Variants in KARS1 observed in about 807,000 individuals in gnomAD.
The protein encoded by KARS1 is lysyl-tRNA synthetase 1, also known as lysine--tRNA ligase.
In KARS1, 50 loss-of-function variants were observed where a neutral mutation model predicts 63.9. The observed-to-expected ratio is 0.78, with a 90% CI of 0.62 to 0.99. The LOEUF is 0.99. Ranked by LOEUF, KARS1 falls within the 50% of genes least tolerant of loss-of-function variation. The probability of loss-of-function intolerance (pLI) is 0.00; values close to 1 mark genes in which losing one functional copy is unlikely to be tolerated. For missense variants in KARS1, 816 were observed against 754.5 expected (o/e 1.08, Z -0.95); for synonymous variants, 320 against 264.6 (o/e 1.21, Z -2.03).
At chr16:75,645,533 G>A (rs920243377) in intron 1 of KARS1, among the ~76,000 whole-genome samples, 4 of 152,200 alleles carry the variant, frequency 2.6e-5, no homozygotes, top group South Asian at 2.1e-4. Context: ...CAAAAAAGTA[G>A]TAGCTGTATT....
intron 6 of KARS1, 143 bp from the exon 7 acceptor site, chr16:75,634,435 C>T: frequency 1.3e-6 from 1 of 780,550 alleles, no homozygotes; most frequent in Non-Finnish European, 2.1e-6. Context: ...AAGTGCTTGA[C>T]AAAAAAGGAC....
chr16:75,629,481 T>G lies in KARS1; in HGVS notation c.1485A>C (p.Ile495=), dbSNP rs144274136. 2 of 1,614,200 alleles carry G rather than the reference T, an allele frequency of 1.2e-6. No homozygotes were observed. The highest frequency in any genetic ancestry group is 2.2e-5 in the South Asian group (2 of 91,086). ...CATTCAGCTCAGTATACGCATTGCATATCTCTTTCTTCATGACAAACAGCT... is the reference window on the plus strand; with the variant it reads ...CATTCAGCTCAGTATACGCATTGCAGATCTCTTTCTTCATGACAAACAGCT... ...RFELFVMKKE[I]CNAYTELNDP... is the part of the protein sequence containing the mutation. The change falls in exon 12 of 14, where the codon ATA becomes ATC. Residue 495 remains isoleucine (I), a synonymous_variant. Transcript: ENST00000302445.
rs1421244809 is a variant in KARS1 at position 75,635,934 on chromosome 16, A to C, written c.647T>G (p.Leu216Arg). The change falls in exon 5 of 14, where the codon CTT becomes CGT. Residue 216 changes from leucine (L) to arginine (R), a missense_variant. Physicochemically the swap from Leu to Arg is moderately radical, Grantham distance 102. Transcript: ENST00000302445. ...LSPCLHMLPH[L>R]HFGLKDKETR... The stretch of plus-strand genomic sequence containing the variant: ...TACCTTGTCTTTGAGGCCAAAGTGA[A>C]GATGAGGTAACATATGCAAACAGGG... 16 of 1,614,220 alleles carry C rather than the reference A, an allele frequency of 9.9e-6. No homozygotes were observed. Among genetic ancestry groups the C allele is most frequent in the Non-Finnish European group, 1.1e-5 (13 of 1,180,024 alleles).
Position 75,630,501 on chromosome 16 carries a change from C to G in KARS1, c.1346G>C (p.Gly449Ala), listed in dbSNP as rs765973399. The stretch of plus-strand genomic sequence containing the variant: ...GATGCAAGTCACTTCCAGGAACTCC[C>G]CAACAAGCTTAATGAGAAAGCAAAG... ...TTARLLDKLV[G>A]EFLEVTCINP... Residue 449 changes from glycine (G) to alanine (A), a missense_variant, in exon 11 of 14, where the codon GGG (glycine) becomes GCG (alanine). Gly to Ala is a moderately conservative substitution (Grantham distance 60). Transcript: ENST00000302445. 13 of 1,606,228 alleles carry G rather than the reference C, an allele frequency of 8.1e-6. No homozygotes were observed. The highest frequency in any genetic ancestry group is 1.0e-5 in the Non-Finnish European group (12 of 1,173,424).
At chr16:75,647,039 G>A (rs1271474730) in intron 1 of KARS1, among the ~76,000 whole-genome samples, 4 of 152,158 alleles carry the variant, frequency 2.6e-5, no homozygotes, top group Non-Finnish European at 4.4e-5. Context: ...ACTGTTAGAC[G>A]TTGATCACTT....
rs762348610 is a variant in KARS1, at chr16:75,635,958, G to A, written c.623C>T (p.Pro208Leu). The A allele has an allele frequency of 6.8e-6, 11 of 1,614,112 alleles. No individual in the cohort carries two copies. Among genetic ancestry groups the A allele is most frequent in the Non-Finnish European group, 8.5e-6 (10 of 1,180,016 alleles). ...AAGATGAGGTAACATATGCAAACAG[G>A]GAGACAGCAGTGTGATCTCATACGG... is the stretch of plus-strand genomic sequence containing the variant. ...IIPYEITLLS[P>L]CLHMLPHLHF... Residue 208 changes from proline (P) to leucine (L), a missense_variant, in exon 5 of 14, where the codon CCC becomes CTC. Transcript: ENST00000302445.
chr16:75,635,460 G>T, intron 6 of KARS1: 1 of 559,728 alleles, frequency 1.8e-6, no homozygotes, highest in Non-Finnish European at 3.2e-6. Flanking sequence ...GACATCATTA[G>T]CATGTGGATG....
intron 12 of KARS1, 59 bp downstream of exon 12, chr16:75,629,356 T>A: frequency 6.2e-7 from 1 of 1,607,590 alleles, no homozygotes; most frequent in Non-Finnish European, 8.5e-7. Flanking sequence ...CAGATCAGGG[T>A]TAAGGCTGGT....
At chr16:75,635,379 T>C (rs2082150915) in intron 6 of KARS1, 1 of 353,942 alleles carries the variant, frequency 2.8e-6, no homozygotes, top group South Asian at 2.5e-5. Flanking sequence ...TGTGTTTGCC[T>C]TTCTCATATA....
intron 3 of KARS1, among the ~76,000 whole-genome samples, chr16:75,638,713 G>A (rs185075458): frequency 6.6e-6 from 1 of 152,086 alleles, no homozygotes; most frequent in African/African-American, 2.4e-5. Flanking sequence ...GAAACAGAAA[G>A]TGAAAAGGAG....
At chr16:75,647,526 C>A (rs2151815123) in intron 1 of KARS1, 52 bp downstream of exon 1, 1 of 1,561,958 alleles carries the variant, frequency 6.4e-7, no homozygotes, top group Non-Finnish European at 8.8e-7. Flanking sequence ...CGGCGCTTCC[C>A]AGCCCAGACT....
intron 2 of KARS1, 128 bp downstream of exon 2, chr16:75,641,436 C>A: frequency 1.3e-6 from 1 of 759,090 alleles, no homozygotes. Flanking sequence ...AGTGGGAGAC[C>A]CTCCCTTATC....
Position 75,631,050 on chromosome 16 carries a change from A to G in KARS1, c.1338+118T>C, listed in dbSNP as rs948826665. On this transcript the variant is annotated intron_variant, in intron 10 of 13. Transcript: ENST00000302445. ...CTGTTAATTCTCTTGTTCTCTCTCT[A>G]GGGTTTTCCTGTGAAGCTGCAGAAA... is the stretch of plus-strand genomic sequence containing the variant. 5.2e-6 allele frequency: 4 copies of G among 767,926 alleles called. No homozygotes were observed. In the African/African-American group the frequency reaches 6.9e-5, roughly 13 times the overall value. 47.6% of individuals were successfully genotyped at this position (767,926 alleles called of 1,614,324 possible).
chr16:75,640,115 C>A, intron 3 of KARS1, 69 bp downstream of exon 3: 2 of 1,356,376 alleles, frequency 1.5e-6, no homozygotes, highest in East Asian at 2.3e-5. Flanking sequence ...CCAGACCTTC[C>A]CTTGTGCTAC....
At position 75,641,616 on chromosome 16, in the gene KARS1, T is replaced by C. The variant is rs117041419; in HGVS notation, c.170A>G (p.Asn57Ser). 1,773 of 1,613,936 alleles carry C rather than the reference T, an allele frequency of 1.1e-3. 23 individuals are homozygous for C. In the East Asian group the frequency reaches 0.034, roughly 31 times the overall value. The change falls in exon 2 of 14, where the codon AAC becomes AGC. Residue 57 changes from asparagine to serine, a missense_variant. Asn to Ser is a conservative substitution (Grantham distance 46, BLOSUM62 1). Coordinates refer to ENST00000302445, the MANE Select transcript of KARS1 (RefSeq NM_005548.3). ...QLSQATAAATNHTTDNGVGPE... is the reference protein window; with the variant it reads ...QLSQATAAATSHTTDNGVGPE... ...ACCCACACCATTATCAGTGGTGTGGTTGGTGGCAGCAGCAGTGGCTTGGCT... is the reference window on the plus strand; with the variant it reads ...ACCCACACCATTATCAGTGGTGTGGCTGGTGGCAGCAGCAGTGGCTTGGCT...
intron 3 of KARS1, among the ~76,000 whole-genome samples, chr16:75,638,480 G>A (rs1207281935): frequency 6.6e-6 from 1 of 151,796 alleles, no homozygotes; most frequent in Non-Finnish European, 1.5e-5. Flanking sequence ...GTGAGTACGT[G>A]CCGTGAAAAG....
intron 2 of KARS1, among the ~76,000 whole-genome samples, chr16:75,640,895 C>CA (rs1439791237): frequency 6.6e-6 from 1 of 152,168 alleles, no homozygotes; most frequent in Non-Finnish European, 1.5e-5. Flanking sequence ...TGTTCCAATA[C>CA]AATTTTACTA....
At chr16:75,645,740 G>C (rs2082273802) in intron 1 of KARS1, among the ~76,000 whole-genome samples, 1 of 151,632 alleles carries the variant, frequency 6.6e-6, no homozygotes, top group South Asian at 2.1e-4. Context: ...CCAGGTACTT[G>C]GGAGGCTGAA....
In KARS1 at chr16:75,628,660, G is replaced by C; in HGVS notation, c.1604C>G (p.Thr535Ser). ...GGGGGGCAGCCCATATTCCAGGGCA[G>C]TACAGAAGTTTTCATCTATGAACAT... ...EAMFIDENFC[T>S]ALEYGLPPTA... is the part of the protein sequence containing the mutation. Residue 535 changes from threonine (T) to serine (S), a missense_variant, in exon 13 of 14, where the codon ACT (threonine) becomes AGT (serine). By Grantham distance (58) the Thr-to-Ser change is moderately conservative. Coordinates refer to ENST00000302445, the MANE Select transcript of KARS1 (RefSeq NM_005548.3). The C allele has an allele frequency of 6.2e-7, 1 of 1,614,178 alleles. No homozygotes were observed. Among genetic ancestry groups the C allele is most frequent in the Non-Finnish European group, 8.5e-7 (1 of 1,180,012 alleles).
Sources: allele counts gnomAD v4.1 joint callset (sites outside exome capture counted in the v4.1 genomes callset), GRCh38; gene constraint gnomAD v4.1.1; transcripts MANE v1.5; gene names NCBI Gene and HGNC (gene_info 2026-07-23, HGNC 2026-07-21).